The following DPYD variants were observed in gnomAD, a reference collection of about 807,000 sequenced individuals.
The protein encoded by DPYD is dihydropyrimidine dehydrogenase [NADP(+)].
In DPYD, 109 loss-of-function variants were observed where a neutral mutation model predicts 116.2. The observed-to-expected ratio is 0.94, with a 90% CI of 0.80 to 1.10. The LOEUF is 1.10. DPYD is among the 50% of genes least tolerant of loss of function. The pLI is 0.00. For synonymous variants in DPYD, 440 were observed against 432.0 expected, an observed-to-expected ratio of 1.02 and a Z score of -0.23; for missense variants, 1,302 against 1,254.5, an observed-to-expected ratio of 1.04 and a Z score of -0.57.
chr1:97,399,237 G>T (rs1156699788), intron 14 of DPYD, among the ~76,000 whole-genome samples: 1 of 152,150 alleles, frequency 6.6e-6, no homozygotes, highest in African/African-American at 2.4e-5. Flanking sequence ...TGTCAGGTTT[G>T]TCAAAGATCA....
At chr1:97,471,134 G>T (rs965555717) in intron 13 of DPYD, among the ~76,000 whole-genome samples, 1 of 152,158 alleles carries the variant, frequency 6.6e-6, no homozygotes, top group East Asian at 1.9e-4. Context: ...AAAACGTAAT[G>T]TAAGAACAGA....
chr1:97,623,600 T>G (rs1656754059), intron 8 of DPYD, among the ~76,000 whole-genome samples: 1 of 151,930 alleles, frequency 6.6e-6, no homozygotes, highest in Non-Finnish European at 1.5e-5. Flanking sequence ...AATTCCAACT[T>G]TAATTTTCAT....
intron 11 of DPYD, among the ~76,000 whole-genome samples, chr1:97,569,596 G>A (rs528476385): frequency 6.6e-6 from 1 of 151,838 alleles, no homozygotes; most frequent in African/African-American, 2.4e-5. Flanking sequence ...AGTCTATCTA[G>A]AACAACAAAA....
intron 1 of DPYD, among the ~76,000 whole-genome samples, chr1:97,895,170 T>C (rs1032803587): frequency 6.6e-6 from 1 of 151,794 alleles, no homozygotes; most frequent in African/African-American, 2.4e-5. Flanking sequence ...AAATTGGCCT[T>C]AGAGGGCCTT....
chr1:97,920,578 C>T (rs959336677), intron 1 of DPYD, among the ~76,000 whole-genome samples: 2 of 152,208 alleles, frequency 1.3e-5, no homozygotes, highest in Non-Finnish European at 2.9e-5. Flanking sequence ...AACTCCAGTG[C>T]TTCTTCAGTC....
intron 20 of DPYD, among the ~76,000 whole-genome samples, chr1:97,140,179 G>A (rs1359214488): frequency 6.6e-6 from 1 of 152,092 alleles, no homozygotes; most frequent in East Asian, 1.9e-4. Context: ...TTAAAGTAAG[G>A]AGGCTGGTGT....
intron 10 of DPYD, among the ~76,000 whole-genome samples, chr1:97,586,465 CATATATAT>C (rs57301424): frequency 0.077 from 2,616 of 34,178 alleles, 164 homozygotes; most frequent in Admixed American, 0.14. Flanking sequence ...TACATACATA[CATATATAT>C]ATATATATAT....
chr1:97,394,294 T>C (rs1237939377), intron 14 of DPYD: 3 of 152,140 alleles, frequency 2.0e-5, no homozygotes, highest in Admixed American at 2.0e-4. Flanking sequence ...CTCTTTAGTT[T>C]AATTAGATCC....
chr1:97,915,079 T>G (rs1159618979), intron 1 of DPYD, among the ~76,000 whole-genome samples: 1 of 152,198 alleles, frequency 6.6e-6, no homozygotes, highest in Non-Finnish European at 1.5e-5. Context: ...AAATGCTGTC[T>G]GAAGCATTTT....
At chr1:97,665,509 G>C (rs995497824) in intron 8 of DPYD, among the ~76,000 whole-genome samples, 5 of 152,078 alleles carry the variant, frequency 3.3e-5, no homozygotes, top group African/African-American at 1.2e-4. Context: ...GAATTAGTCA[G>C]TCTTGAATTT....
At chr1:97,262,906 T>C (rs1040271840) in intron 18 of DPYD, among the ~76,000 whole-genome samples, 1 of 152,086 alleles carries the variant, frequency 6.6e-6, no homozygotes, top group East Asian at 1.9e-4. Context: ...AATTCTAGCA[T>C]TTAAGATACA....
intron 3 of DPYD, among the ~76,000 whole-genome samples, chr1:97,747,162 T>C (rs901004549): frequency 1.3e-5 from 2 of 152,298 alleles, no homozygotes; most frequent in African/African-American, 4.8e-5. Flanking sequence ...AGTAATTAAA[T>C]ATTAGCTATT....
intron 3 of DPYD, among the ~76,000 whole-genome samples, chr1:97,752,637 T>C (rs1458895788): frequency 2.0e-5 from 3 of 152,118 alleles, no homozygotes; most frequent in Non-Finnish European, 4.4e-5. Context: ...TTTCAAACTG[T>C]GCATTCCACA....
At chr1:97,432,066 T>G (rs1269383531) in intron 14 of DPYD, among the ~76,000 whole-genome samples, 1 of 152,180 alleles carries the variant, frequency 6.6e-6, no homozygotes, top group Non-Finnish European at 1.5e-5. Flanking sequence ...CTGAAAAATA[T>G]TCCATTGTGT....
chr1:97,291,644 A>G (rs1312544157), intron 18 of DPYD, among the ~76,000 whole-genome samples: 1 of 151,876 alleles, frequency 6.6e-6, no homozygotes, highest in Admixed American at 6.6e-5. Context: ...CAATGAGAAC[A>G]CATGGACACA....
chr1:97,584,029 G>C (rs6691128), intron 10 of DPYD, among the ~76,000 whole-genome samples: 140,897 of 152,164 alleles, frequency 0.93, 65,839 homozygotes, highest in Non-Finnish European at 0.99. Context: ...ACAGTCCCAC[G>C]AACAGTGTAA....
intron 20 of DPYD, among the ~76,000 whole-genome samples, chr1:97,170,693 TG>T (rs1308483813): frequency 6.6e-6 from 1 of 151,140 alleles, no homozygotes; most frequent in Non-Finnish European, 1.5e-5. Flanking sequence ...TTTTTTTTTT[TG>T]AGATAGAGTC....
intron 5 of DPYD, among the ~76,000 whole-genome samples, chr1:97,712,922 AG>A (rs1662373770): frequency 6.6e-6 from 1 of 152,070 alleles, no homozygotes; most frequent in Non-Finnish European, 1.5e-5. Flanking sequence ...CTACCATGCA[AG>A]ATGTTTTTGG....
At chr1:97,414,627 T>C (rs572136673) in intron 14 of DPYD, among the ~76,000 whole-genome samples, 2 of 152,360 alleles carry the variant, frequency 1.3e-5, no homozygotes, top group Middle Eastern at 3.4e-3. Flanking sequence ...TATTCTTATA[T>C]AGAATTACTC....
Sources: gnomAD v4.1 joint callset for allele counts (sites outside exome capture counted in the v4.1 genomes callset) on GRCh38, gnomAD v4.1.1 for gene constraint, MANE v1.5 for transcripts, NCBI Gene and HGNC (gene_info 2026-07-23, HGNC 2026-07-21) for gene names.